Variants in KCND2 observed in about 807,000 individuals in gnomAD.
KCND2 encodes A-type voltage-gated potassium channel KCND2.
A neutral mutation model predicts 54.4 loss-of-function variants in KCND2; 16 were observed. The ratio of observed to expected loss-of-function variants is 0.29; its 90% CI spans 0.20 to 0.45. The LOEUF (loss-of-function observed/expected upper bound fraction) is 0.45, where lower values mean the gene tolerates loss of function less well. Ranked by LOEUF, KCND2 falls within the 20% of genes least tolerant of loss-of-function variation. The probability of loss-of-function intolerance (pLI) is 1.00; values close to 1 mark genes in which losing one functional copy is unlikely to be tolerated. For missense variants in KCND2, 486 were observed against 824.2 expected (o/e 0.59, Z 5.02); for synonymous variants, 317 against 310.7 (o/e 1.02, Z -0.21).
At chr7:120,613,165 A>G (rs1792978000) in intron 1 of KCND2, among the ~76,000 whole-genome samples, 1 of 151,790 alleles carries the variant, frequency 6.6e-6, no homozygotes, top group Non-Finnish European at 1.5e-5. Flanking sequence ...CAAACAGCAT[A>G]CTATAGAAAC....
At position 120,698,022 on chromosome 7, in the gene KCND2, C is replaced by CTTTT. The variant is rs35589294; in HGVS notation, c.1116-34861_1116-34858dup. On this transcript the variant is annotated intron_variant, in intron 1 of 5. Coordinates refer to ENST00000331113, the MANE Select transcript of KCND2 (RefSeq NM_012281.3). ...GCATATTTGGATATATAGATTTGCC[C>CTTTT]TTTTTTTTTTTTTTTTTTTTTTTGG... Among the ~76,000 whole-genome samples the CTTTT allele has an allele frequency of 1.4e-3, 118 of 85,606 alleles. 1 individual carries two copies. Among genetic ancestry groups the CTTTT allele is most frequent in the African/African-American group, 2.0e-3 (41 of 20,576 alleles). The allele number at this position is 85,606 out of a possible 152,430, so 56.2% of individuals were successfully genotyped here. A position where few individuals can be genotyped will look rare whatever the true frequency, so the allele number is the denominator to read the frequency against.
At chr7:120,488,587 C>G (rs1802727416) in intron 1 of KCND2, among the ~76,000 whole-genome samples, 1 of 151,888 alleles carries the variant, frequency 6.6e-6, no homozygotes, top group African/African-American at 2.4e-5. Flanking sequence ...TTATCGTAAC[C>G]ACAACAGTAA....
chr7:120,468,087 G>A (rs1802404945), intron 1 of KCND2, among the ~76,000 whole-genome samples: 1 of 152,082 alleles, frequency 6.6e-6, no homozygotes, highest in Non-Finnish European at 1.5e-5. Flanking sequence ...TAAAGGAAAA[G>A]TGTATCATAA....
At chr7:120,625,214 T>C (rs532259917) in intron 1 of KCND2, among the ~76,000 whole-genome samples, 2 of 152,136 alleles carry the variant, frequency 1.3e-5, no homozygotes, top group African/African-American at 4.8e-5. Context: ...TCCGATGAAG[T>C]AGAGTAACTA....
intron 1 of KCND2, among the ~76,000 whole-genome samples, chr7:120,602,900 G>C (rs1482445002): frequency 6.6e-6 from 1 of 152,174 alleles, no homozygotes. Context: ...CTATCGAAAT[G>C]TTCCCTTCTA....
At chr7:120,373,670 A>G (rs1165385739) in intron 1 of KCND2, among the ~76,000 whole-genome samples, 5 of 151,878 alleles carry the variant, frequency 3.3e-5, no homozygotes, top group Admixed American at 6.6e-5. Flanking sequence ...ACTTGAATGT[A>G]TAGACCCATG....
chr7:120,360,910 A>G (rs1800583626), intron 1 of KCND2, among the ~76,000 whole-genome samples: 1 of 152,104 alleles, frequency 6.6e-6, no homozygotes, highest in Admixed American at 6.6e-5. Context: ...ACTTTGTGCT[A>G]TTTATGAGCA....
intron 1 of KCND2, among the ~76,000 whole-genome samples, chr7:120,372,244 A>G (rs564659766): frequency 2.0e-5 from 3 of 151,958 alleles, no homozygotes; most frequent in East Asian, 3.9e-4. Context: ...TTTGCTAGAG[A>G]TTCTCCAGTG....
chr7:120,474,084 T>G (rs773952534), intron 1 of KCND2, among the ~76,000 whole-genome samples: 2 of 152,200 alleles, frequency 1.3e-5, no homozygotes, highest in Non-Finnish European at 2.9e-5. Context: ...TGGCACTCTG[T>G]GGTCTTGCTG....
rs537308029 is a variant in KCND2 at position 120,581,875 on chromosome 7, C to A, written c.1116-151028C>A. ...TACAGACATGCACCACCAAACCCAG[C>A]TAATTTTTTCATATTTTTAATAGAG... is the stretch of plus-strand genomic sequence containing the variant. On this transcript the variant is annotated intron_variant, in intron 1 of 5. Transcript: ENST00000331113. 5.9e-5 allele frequency among the ~76,000 whole-genome samples: 9 copies of A among 152,110 alleles called. No homozygotes were observed. The South Asian group carries it at 1.9e-3, about 32-fold the overall frequency.
At chr7:120,418,489 T>A (rs1169332759) in intron 1 of KCND2, among the ~76,000 whole-genome samples, 1 of 152,152 alleles carries the variant, frequency 6.6e-6, no homozygotes, top group Non-Finnish European at 1.5e-5. Context: ...CATCTGCTGT[T>A]CCAATGGGTC....
At chr7:120,525,483 A>C (rs1791761495) in intron 1 of KCND2, among the ~76,000 whole-genome samples, 1 of 152,202 alleles carries the variant, frequency 6.6e-6, no homozygotes, top group Admixed American at 6.5e-5. Flanking sequence ...AGCATAATAG[A>C]AGCTGGTGTA....
chr7:120,363,888 A>T lies in KCND2; in HGVS notation c.1115+88141A>T, dbSNP rs117522661. 5.2e-3 allele frequency among the ~76,000 whole-genome samples: 789 copies of T among 151,872 alleles called. 5 individuals are homozygous for T. Among genetic ancestry groups the T allele is most frequent in the Non-Finnish European group, 8.7e-3 (588 of 67,932 alleles). On this transcript the variant is annotated intron_variant, in intron 1 of 5. Transcript: ENST00000331113. ...CTCTGCCCTTCTCACTGGCATTCTT[A>T]TTGCTTTTCTTATTCCTGGAACACA...
intron 1 of KCND2, among the ~76,000 whole-genome samples, chr7:120,306,626 A>G (rs1163200025): frequency 6.6e-6 from 1 of 152,084 alleles, no homozygotes; most frequent in African/African-American, 2.4e-5. Flanking sequence ...GCCATATTCA[A>G]AATCGACTAA....
At chr7:120,389,095 T>A (rs1476955706) in intron 1 of KCND2, among the ~76,000 whole-genome samples, 1 of 151,778 alleles carries the variant, frequency 6.6e-6, no homozygotes, top group African/African-American at 2.4e-5. Flanking sequence ...CAACTGATTT[T>A]AATCCACAAA....
intron 1 of KCND2, among the ~76,000 whole-genome samples, chr7:120,363,474 C>G (rs1800624468): frequency 6.6e-6 from 1 of 152,084 alleles, no homozygotes; most frequent in African/African-American, 2.4e-5. Flanking sequence ...ATCCTTGATT[C>G]CAAGCTCTTT....
intron 1 of KCND2, among the ~76,000 whole-genome samples, chr7:120,580,386 C>T (rs1792500087): frequency 6.6e-6 from 1 of 152,164 alleles, no homozygotes; most frequent in Non-Finnish European, 1.5e-5. Context: ...GGCAAACCGT[C>T]TCTCCTCTTT....
intron 1 of KCND2, among the ~76,000 whole-genome samples, chr7:120,619,408 T>C (rs1358523492): frequency 6.6e-6 from 1 of 152,170 alleles, no homozygotes; most frequent in Non-Finnish European, 1.5e-5. Context: ...CCAGACCCTG[T>C]TGAAAAGAAG....
At chr7:120,733,260 T>G (rs1317860129) in intron 2 of KCND2, among the ~76,000 whole-genome samples, 195 bp downstream of exon 2, 23 of 152,154 alleles carry the variant, frequency 1.5e-4, no homozygotes, top group Admixed American at 1.5e-3. Context: ...TTCTGAATCA[T>G]GCTACAAGTC....
Sources: gnomAD v4.1 joint callset for allele counts (sites outside exome capture counted in the v4.1 genomes callset) on GRCh38, gnomAD v4.1.1 for gene constraint, MANE v1.5 for transcripts, NCBI Gene and HGNC (gene_info 2026-07-23, HGNC 2026-07-21) for gene names.